EHMT1: variants seen among roughly 807,000 people sequenced by gnomAD.
EHMT1 encodes the protein histone-lysine N-methyltransferase EHMT1.
EHMT1 carries 15 observed loss-of-function variants against 147.2 expected under a neutral mutation model. The ratio of observed to expected loss-of-function variants is 0.10; its 90% CI spans 0.07 to 0.16. The LOEUF (loss-of-function observed/expected upper bound fraction) is 0.16. EHMT1 is among the 10% of genes least tolerant of loss of function. EHMT1 has a pLI of 1.00. For missense variants in EHMT1, 1,587 were observed against 1,772.4 expected (o/e 0.90, Z 1.88); for synonymous variants, 795 against 709.6 (o/e 1.12, Z -1.91).
chr9:137,748,618 G>A (rs58229672), intron 6 of EHMT1, among the ~76,000 whole-genome samples: 2,447 of 152,284 alleles, frequency 0.016, 68 homozygotes, highest in African/African-American at 0.055. Flanking sequence ...CTGCTGTGCC[G>A]GCCACACTCG....
Position 137,732,425 on chromosome 9 carries a change from G to A in EHMT1, c.823+3896G>A, listed in dbSNP as rs1212177247. 6.6e-6 allele frequency among the ~76,000 whole-genome samples: 1 copy of A among 152,230 alleles called. No individual in the cohort carries two copies. The highest frequency in any genetic ancestry group is 2.4e-5 in the African/African-American group (1 of 41,452). ...TGGACAACTGGAGGGGAGCAAGGTG[G>A]AGAAGAGTTTTATTGAGCAGCAGAA... On this transcript the variant is annotated intron_variant, in intron 4 of 26. Coordinates refer to ENST00000460843, the MANE Select transcript of EHMT1 (RefSeq NM_024757.5). The surrounding 1 kb of genome is among the most constrained non-coding windows in gnomAD (Gnocchi z 4.6).
intron 1 of EHMT1, among the ~76,000 whole-genome samples, chr9:137,690,612 C>T (rs1942853027): frequency 6.6e-6 from 1 of 152,032 alleles, no homozygotes; most frequent in Non-Finnish European, 1.5e-5. Context: ...CTGTGTCGCC[C>T]AGGCTGGAGT....
At chr9:137,778,084 G>A (rs369947749) in intron 13 of EHMT1, 29 bp downstream of exon 13, 12 of 1,613,416 alleles carry the variant, frequency 7.4e-6, no homozygotes, top group Non-Finnish European at 9.3e-6. Context: ...TTTCAGAGAT[G>A]TCTCAGAGCC....
intron 1 of EHMT1, among the ~76,000 whole-genome samples, chr9:137,653,046 G>A (rs912405953): frequency 3.9e-5 from 6 of 152,120 alleles, no homozygotes; most frequent in East Asian, 3.9e-4. Context: ...TGTAGCCTAC[G>A]TGTACAGTGT....
At chr9:137,622,495 A>G (rs1331983821) in intron 1 of EHMT1, among the ~76,000 whole-genome samples, 2 of 152,150 alleles carry the variant, frequency 1.3e-5, no homozygotes, top group Admixed American at 1.3e-4. Flanking sequence ...TTCTAAATAT[A>G]TGTTTGTATT....
At position 137,812,010 on chromosome 9, in the gene EHMT1, GC is replaced by G. The variant is rs201393835; in HGVS notation, c.2867+396del. Among the ~76,000 whole-genome samples, 764 of 152,304 alleles carry G rather than the reference GC, an allele frequency of 5.0e-3. 4 individuals are homozygous for G. Among genetic ancestry groups the G allele is most frequent in the African/African-American group, 0.017 (688 of 41,580 alleles). ...ACAGCCAGGGCTGGAGTTGCTGGGG[GC>G]TGTGGCACTCGCCACTCAGGGCCCT... On this transcript the variant is annotated intron_variant, in intron 19 of 26. Coordinates refer to ENST00000460843, the MANE Select transcript of EHMT1 (RefSeq NM_024757.5).
At chr9:137,780,627 T>C (rs1363933416) in intron 14 of EHMT1, among the ~76,000 whole-genome samples, 8 of 87,640 alleles carry the variant, frequency 9.1e-5, no homozygotes, top group Admixed American at 2.5e-4. Flanking sequence ...GTGATGACGC[T>C]GAGATGTGTG....
chr9:137,728,629 CT>C (rs1946834501), intron 4 of EHMT1, 100 bp downstream of exon 4: 1 of 1,520,042 alleles, frequency 6.6e-7, no homozygotes, highest in African/African-American at 1.4e-5. Context: ...GCCTGTGCTG[CT>C]CTTGATGAAT....
rs986977747 is a variant in EHMT1 at position 137,811,405 on chromosome 9, C to G, written c.2713-56C>G. 3 of 1,606,090 alleles carry G rather than the reference C, an allele frequency of 1.9e-6. No individual in the cohort carries two copies. In the African/African-American group the frequency reaches 4.0e-5, roughly 21 times the overall value. On this transcript the variant is annotated intron_variant, in intron 18 of 26. Coordinates refer to ENST00000460843, the MANE Select transcript of EHMT1 (RefSeq NM_024757.5). ...GGGCTGCAGCTGCTGTGGCCCAGCC[C>G]CAGCACTGTGAGCCAGCAGGAAGCC...
rs890825087 is a variant in EHMT1 at position 137,784,242 on chromosome 9, C to A, written c.2382+1845C>A. The A allele has an allele frequency of 6.5e-6, 10 of 1,534,460 alleles. No homozygotes were observed. The African/African-American group carries it at 8.3e-5, about 13-fold the overall frequency. ...AGCACAGCCTTGCTGTGGACCAGGC[C>A]GCCCACAGGGAGCAGGTCCATTCCT... On this transcript the variant is annotated intron_variant, in intron 15 of 26. Coordinates refer to ENST00000460843, the MANE Select transcript of EHMT1 (RefSeq NM_024757.5).
At chr9:137,717,323 C>A in intron 3 of EHMT1, 141 bp downstream of exon 3, 2 of 1,134,046 alleles carry the variant, frequency 1.8e-6, no homozygotes, top group Non-Finnish European at 2.6e-6. Context: ...TAGGAGAAGG[C>A]CGGGAGCAGT....
At position 137,775,046 on chromosome 9, in the gene EHMT1, G is replaced by A; in HGVS notation, c.1648-63G>A. 6.2e-7 allele frequency: 1 copy of A among 1,611,644 alleles called. No homozygotes were observed. Among genetic ancestry groups the A allele is most frequent in the South Asian group, 1.1e-5 (1 of 90,914 alleles). ...TGTGTGCCTGCACTGCCCAGCGCCT[G>A]GTGGGAGGGAATGCCGGCCTCTCGT... is the stretch of plus-strand genomic sequence containing the variant. On this transcript the variant is annotated intron_variant, in intron 10 of 26. Transcript: ENST00000460843. This position sits in a 1 kb window ranked among gnomAD's most constrained non-coding sequence, Gnocchi z 6.1.
chr9:137,795,486 G>C (rs1362391822), intron 16 of EHMT1, among the ~76,000 whole-genome samples: 1 of 150,158 alleles, frequency 6.7e-6, no homozygotes, highest in Non-Finnish European at 1.5e-5. Context: ...CTCAGACCAG[G>C]ACAACGTAGA....
intron 22 of EHMT1, 64 bp from the exon 23 acceptor site, chr9:137,815,883 T>G: frequency 4.4e-6 from 6 of 1,357,154 alleles, no homozygotes; most frequent in Non-Finnish European, 6.2e-6. Context: ...AGAAATGGGT[T>G]GATGTCAGTT....
At chr9:137,672,617 C>G (rs1022845074) in intron 1 of EHMT1, among the ~76,000 whole-genome samples, 15 of 152,240 alleles carry the variant, frequency 9.9e-5, no homozygotes, top group African/African-American at 3.4e-4. Context: ...AACCAAAGCG[C>G]CTGGCGCAGT....
At chr9:137,718,833 A>G (rs1341956356) in intron 3 of EHMT1, among the ~76,000 whole-genome samples, 1 of 146,896 alleles carries the variant, frequency 6.8e-6, no homozygotes, top group Non-Finnish European at 1.5e-5. Flanking sequence ...TCAGCTCACT[A>G]TAACCCCCGC....
intron 1 of EHMT1, among the ~76,000 whole-genome samples, chr9:137,652,147 A>G (rs1246126708): frequency 6.6e-6 from 1 of 152,198 alleles, no homozygotes; most frequent in East Asian, 1.9e-4. Flanking sequence ...GGCTCCATGC[A>G]TGTTAGTGCC....
Position 137,813,190 on chromosome 9 carries a change from G to T in EHMT1, c.3035+17G>T. 6.2e-7 allele frequency: 1 copy of T among 1,606,014 alleles called. No homozygotes were observed. Among genetic ancestry groups the T allele is most frequent in the Non-Finnish European group, 8.5e-7 (1 of 1,179,746 alleles). ...AGTGAGCAGGTGAGCCCAGCCCCAG[G>T]ACGGCTTTGTGGCAAATCAGCGGTC... On this transcript the variant is annotated intron_variant, in intron 20 of 26. Transcript: ENST00000460843. The surrounding 1 kb of genome is among the most constrained non-coding windows in gnomAD (Gnocchi z 4.9).
chr9:137,722,950 G>GT (rs1946218843), intron 3 of EHMT1, among the ~76,000 whole-genome samples: 1 of 121,124 alleles, frequency 8.3e-6, no homozygotes, highest in African/African-American at 3.8e-5. Flanking sequence ...TTCTGGGCCT[G>GT]AGCCGGGGGT....
Sources: allele counts gnomAD v4.1 joint callset (sites outside exome capture counted in the v4.1 genomes callset), GRCh38; gene constraint gnomAD v4.1.1; non-coding constraint Gnocchi (gnomAD v3.1); transcripts MANE v1.5; gene names NCBI Gene and HGNC (gene_info 2026-07-23, HGNC 2026-07-21).